The following VIPR2 variants were observed in gnomAD, a reference collection of about 807,000 sequenced individuals.
VIPR2 encodes vasoactive intestinal polypeptide receptor 2.
Under a neutral mutation model 58.0 loss-of-function variants are expected in VIPR2, and 48 were observed. The ratio of observed to expected loss-of-function variants is 0.83; its 90% CI spans 0.66 to 1.05. The LOEUF (loss-of-function observed/expected upper bound fraction) is 1.05. VIPR2 is among the 50% of genes least tolerant of loss of function. The pLI is 0.00. For missense variants in VIPR2, 534 were observed against 558.0 expected (o/e 0.96, Z 0.43); for synonymous variants, 243 against 235.2 (o/e 1.03, Z -0.30).
intron 4 of VIPR2, among the ~76,000 whole-genome samples, chr7:159,086,386 G>A (rs1260958943): frequency 8.5e-5 from 13 of 152,178 alleles, no homozygotes; most frequent in Non-Finnish European, 1.8e-4. Context: ...TGACCCACGC[G>A]GGGGACTGTA....
intron 2 of VIPR2, among the ~76,000 whole-genome samples, chr7:159,132,913 CAGATTGATT>C (rs1797016071): frequency 1.4e-5 from 2 of 138,472 alleles, no homozygotes; most frequent in Admixed American, 7.3e-5. Context: ...GATTGGCATA[CAGATTGATT>C]TCAGACAGAA....
In VIPR2 at chr7:159,137,767, G is replaced by T. The variant is rs150829173; in HGVS notation, c.151+4679C>A. ...AATGACCTTAAAGAGTTTAGAAAAT[G>T]GAAGAAATCTAGTCAAAAAGATCCA... On this transcript the variant is annotated intron_variant, in intron 2 of 12. Transcript: ENST00000262178. 1.8e-3 allele frequency among the ~76,000 whole-genome samples: 280 copies of T among 152,218 alleles called. 1 individual carries two copies. The highest frequency in any genetic ancestry group is 6.3e-3 in the African/African-American group (260 of 41,516).
intron 5 of VIPR2, among the ~76,000 whole-genome samples, chr7:159,046,268 G>A (rs1356430781): frequency 6.6e-6 from 1 of 152,200 alleles, no homozygotes. Flanking sequence ...GTACATGAAT[G>A]TTCATGGCAG....
intron 4 of VIPR2, among the ~76,000 whole-genome samples, chr7:159,071,608 G>A (rs906204693): frequency 5.3e-5 from 8 of 152,202 alleles, no homozygotes; most frequent in African/African-American, 1.2e-4. Context: ...GAGTGAACCC[G>A]TCCATATCAG....
intron 4 of VIPR2, among the ~76,000 whole-genome samples, chr7:159,066,049 G>A (rs1168034654): frequency 6.6e-6 from 1 of 152,244 alleles, no homozygotes; most frequent in Non-Finnish European, 1.5e-5. Flanking sequence ...GGGATTCCAC[G>A]ATGCCTGCTC....
intron 6 of VIPR2, among the ~76,000 whole-genome samples, chr7:159,040,466 G>A (rs899816216): frequency 2.0e-5 from 3 of 152,246 alleles, no homozygotes; most frequent in African/African-American, 7.2e-5. Context: ...AACCTGCTGT[G>A]GCTGATGGTG....
chr7:159,125,124 A>T (rs748493177), intron 2 of VIPR2, among the ~76,000 whole-genome samples: 1 of 152,090 alleles, frequency 6.6e-6, no homozygotes, highest in Non-Finnish European at 1.5e-5. Flanking sequence ...GATGCGCTTT[A>T]TTTTTTTCTC....
At chr7:159,048,592 T>C (rs985113983) in intron 5 of VIPR2, among the ~76,000 whole-genome samples, 1 of 152,250 alleles carries the variant, frequency 6.6e-6, no homozygotes, top group Non-Finnish European at 1.5e-5. Flanking sequence ...CATTAATATT[T>C]TTATACTGAT....
At chr7:159,036,991 G>T in intron 6 of VIPR2, 89 bp from the exon 7 acceptor site, 1 of 1,460,990 alleles carries the variant, frequency 6.8e-7, no homozygotes. Context: ...GACACAGGGC[G>T]CTTGGTATCT....
chr7:159,053,603 G>A (rs1855133332), intron 5 of VIPR2, among the ~76,000 whole-genome samples: 1 of 152,160 alleles, frequency 6.6e-6, no homozygotes. Flanking sequence ...GTGCAGTGGT[G>A]TGATCACAGC....
At chr7:159,043,407 A>G (rs1459012345) in intron 5 of VIPR2, among the ~76,000 whole-genome samples, 1 of 152,240 alleles carries the variant, frequency 6.6e-6, no homozygotes, top group East Asian at 1.9e-4. Context: ...AGATGAGATG[A>G]AGAAACGTTT....
chr7:159,050,912 G>A (rs1158024803), intron 5 of VIPR2, among the ~76,000 whole-genome samples: 1 of 152,182 alleles, frequency 6.6e-6, no homozygotes, highest in African/African-American at 2.4e-5. Flanking sequence ...AGGAACAATG[G>A]TGCACTGGCA....
chr7:159,082,561 A>G (rs1468112633), intron 4 of VIPR2, among the ~76,000 whole-genome samples: 1 of 152,250 alleles, frequency 6.6e-6, no homozygotes, highest in African/African-American at 2.4e-5. Context: ...TGGCACATGT[A>G]TACATATGTA....
intron 4 of VIPR2, among the ~76,000 whole-genome samples, chr7:159,080,933 G>A (rs2129494887): frequency 6.6e-6 from 1 of 152,220 alleles, no homozygotes; most frequent in South Asian, 2.1e-4. Flanking sequence ...CCTCTTCAAG[G>A]AGAACTACAA....
At chr7:159,111,464 G>A (rs1363886173) in intron 2 of VIPR2, among the ~76,000 whole-genome samples, 1 of 152,148 alleles carries the variant, frequency 6.6e-6, no homozygotes, top group Non-Finnish European at 1.5e-5. Flanking sequence ...TGGATCATTT[G>A]AGGTCAGGAG....
intron 5 of VIPR2, among the ~76,000 whole-genome samples, chr7:159,051,055 A>T (rs1854976072): frequency 6.6e-6 from 1 of 152,132 alleles, no homozygotes; most frequent in Non-Finnish European, 1.5e-5. Flanking sequence ...AGCAACCAAA[A>T]CTCATAAGAA....
At chr7:159,087,570 T>C in intron 4 of VIPR2, among the ~76,000 whole-genome samples, 1 of 116,342 alleles carries the variant, frequency 8.6e-6, no homozygotes, top group Non-Finnish European at 1.8e-5. Flanking sequence ...AGATACGGCT[T>C]CCCAACAAAC....
chr7:159,118,996 C>T (rs988661607), intron 2 of VIPR2, among the ~76,000 whole-genome samples: 6 of 152,242 alleles, frequency 3.9e-5, no homozygotes, highest in Admixed American at 1.3e-4. Flanking sequence ...AACACCCACA[C>T]CCCAGGGGTT....
At chr7:159,041,592 T>C (rs1854338219) in intron 6 of VIPR2, among the ~76,000 whole-genome samples, 2 of 150,946 alleles carry the variant, frequency 1.3e-5, no homozygotes, top group African/African-American at 4.9e-5. Flanking sequence ...TGAGGGTCTG[T>C]CATGGGTCAC....
Sources: gnomAD v4.1 joint callset for allele counts (sites outside exome capture counted in the v4.1 genomes callset) on GRCh38, gnomAD v4.1.1 for gene constraint, MANE v1.5 for transcripts, NCBI Gene and HGNC (gene_info 2026-07-23, HGNC 2026-07-21) for gene names.